The following HMCN2 variants were observed in gnomAD, a reference collection of about 807,000 sequenced individuals.
The protein encoded by HMCN2 is hemicentin-2.
A neutral mutation model predicts 377.5 loss-of-function variants in HMCN2; 325 were observed. The ratio of observed to expected loss-of-function variants is 0.86; its 90% CI spans 0.79 to 0.94. HMCN2 has a LOEUF of 0.94. HMCN2 is among the 40% of genes least tolerant of loss of function. HMCN2 has a pLI of 0.00. For synonymous variants in HMCN2, 2,007 were observed against 2,046.8 expected (o/e 0.98, Z 0.53); for missense variants, 4,543 against 4,725.3 (o/e 0.96, Z 1.13).
At chr9:130,363,239 G>A (rs985563800) in intron 40 of HMCN2, among the ~76,000 whole-genome samples, 3 of 152,216 alleles carry the variant, frequency 2.0e-5, no homozygotes, top group Admixed American at 1.3e-4. Flanking sequence ...TCAGGGAGAC[G>A]CGGAAGGGGT....
intron 8 of HMCN2, among the ~76,000 whole-genome samples, chr9:130,301,122 T>C (rs1836481804): frequency 6.6e-6 from 1 of 152,158 alleles, no homozygotes; most frequent in Non-Finnish European, 1.5e-5. Flanking sequence ...ACAGTGCCCA[T>C]GGTTGGTGGA....
intron 89 of HMCN2, 36 bp from the exon 90 acceptor site, chr9:130,425,651 A>ACCCCCCCCC: frequency 4.6e-6 from 2 of 432,322 alleles, no homozygotes; most frequent in South Asian, 5.4e-5. Flanking sequence ...CCTCTCCCCC[A>ACCCCCCCCC]CCCCTCCTCC....
At chr9:130,405,723 A>G (rs954942435) in intron 81 of HMCN2, among the ~76,000 whole-genome samples, 12 of 152,230 alleles carry the variant, frequency 7.9e-5, no homozygotes, top group Non-Finnish European at 1.8e-4. Flanking sequence ...AACACTGGCT[A>G]TTGCGATCAT....
chr9:130,266,801 C>T (rs1554919197), intron 1 of HMCN2, among the ~76,000 whole-genome samples: 2 of 152,226 alleles, frequency 1.3e-5, no homozygotes. Context: ...TGCACCTCTG[C>T]TTCCCCTTTA....
intron 22 of HMCN2, among the ~76,000 whole-genome samples, chr9:130,333,169 G>T (rs1588256806): frequency 6.6e-6 from 1 of 152,206 alleles, no homozygotes; most frequent in African/African-American, 2.4e-5. Context: ...CTGAACTGGG[G>T]CATGCCGGGG....
intron 15 of HMCN2, among the ~76,000 whole-genome samples, chr9:130,310,999 G>A (rs1353972370): frequency 6.6e-6 from 1 of 152,172 alleles, no homozygotes; most frequent in East Asian, 1.9e-4. Context: ...CTGCAGATGT[G>A]GAGTCCAAAT....
intron 34 of HMCN2, 54 bp from the exon 35 acceptor site, chr9:130,357,780 A>G (rs1463933234): frequency 1.6e-6 from 2 of 1,256,004 alleles, no homozygotes; most frequent in African/African-American, 1.5e-5. Context: ...CTGGGTGCCC[A>G]CTGTACTCCT....
At chr9:130,419,130 C>T in intron 86 of HMCN2, 89 bp downstream of exon 86, 1 of 1,276,854 alleles carries the variant, frequency 7.8e-7, no homozygotes, top group Non-Finnish European at 1.0e-6. Flanking sequence ...AGACCTGTCC[C>T]CTGCCTTGCC....
intron 48 of HMCN2, among the ~76,000 whole-genome samples, chr9:130,373,771 A>G (rs1257769659): frequency 6.9e-6 from 1 of 145,158 alleles, no homozygotes. Context: ...GTGGATGGAT[A>G]GATGGATAGG....
rs1031490747 is a variant in HMCN2 at position 130,308,926 on chromosome 9, C to T, written c.2201-986C>T. On this transcript the variant is annotated intron_variant, in intron 14 of 97. Transcript: ENST00000683500. The surrounding 1 kb of genome is among the most constrained non-coding windows in gnomAD (Gnocchi z 4.1). Reference sequence around the variant, plus strand: ...AGAGACGAAAAGATGGAGTGGTGTTCGCCAGGGACTGGGGAGAGGAGAACA... The same window carrying T: ...AGAGACGAAAAGATGGAGTGGTGTTTGCCAGGGACTGGGGAGAGGAGAACA... 5.9e-5 allele frequency among the ~76,000 whole-genome samples: 9 copies of T among 152,164 alleles called. No homozygotes were observed. In the East Asian group the frequency reaches 7.7e-4, roughly 13 times the overall value.
At chr9:130,355,534 T>C (rs555963902) in intron 32 of HMCN2, among the ~76,000 whole-genome samples, 92 of 152,284 alleles carry the variant, frequency 6.0e-4, no homozygotes, top group Admixed American at 1.0e-3. Context: ...AGGCAGATGT[T>C]AAATAATTAG....
chr9:130,387,223 T>G (rs1842072084), intron 61 of HMCN2, among the ~76,000 whole-genome samples: 1 of 152,196 alleles, frequency 6.6e-6, no homozygotes, highest in Non-Finnish European at 1.5e-5. Context: ...CTTGGCCAGA[T>G]TTTCTGGTGC....
Position 130,433,954 on chromosome 9 carries a change from T to C in HMCN2, c.*261T>C. The C allele has an allele frequency of 2.5e-6, 1 of 393,990 alleles. No individual in the cohort carries two copies. Among genetic ancestry groups the C allele is most frequent in the Non-Finnish European group, 4.5e-6 (1 of 223,728 alleles). 24.4% of individuals were successfully genotyped at this position (393,990 alleles called of 1,614,324 possible). A position where few individuals can be genotyped will look rare whatever the true frequency, so the allele number is the denominator to read the frequency against. ...GGCCCGGGGAAGCCCGGATCAGACC[T>C]CCAGGTCTGATCCGCCCCTCAGTGG... On this transcript the variant is annotated 3_prime_UTR_variant, in exon 98 of 98. Transcript: ENST00000683500.
In HMCN2 at chr9:130,285,335, G is replaced by A. The variant is rs1554927300; in HGVS notation, c.489+19G>A. On this transcript the variant is annotated intron_variant, in intron 3 of 97. Coordinates refer to ENST00000683500, the MANE Select transcript of HMCN2 (RefSeq NM_001291815.2). ...ATCACAGGTGGGTGAGCCGGCTGTG[G>A]GGGCCCAAAGTGGGGTCCCCCGGGG... 1 of 470,512 alleles carries A rather than the reference G, an allele frequency of 2.1e-6. No individual in the cohort carries two copies. The highest frequency in any genetic ancestry group is 1.5e-5 in the South Asian group (1 of 64,554). The allele number at this position is 470,512 out of a possible 1,614,324, so 29.1% of individuals were successfully genotyped here. A position where few individuals can be genotyped will look rare whatever the true frequency, so the allele number is the denominator to read the frequency against.
In HMCN2 at chr9:130,350,199, C is replaced by T. The variant is rs1272972692; in HGVS notation, c.4430+536C>T. Among the ~76,000 whole-genome samples the T allele has an allele frequency of 7.9e-5, 12 of 151,260 alleles. No individual in the cohort carries two copies. The East Asian group carries it at 9.9e-4, about 13-fold the overall frequency. ...TGCTGAGATTACAGGCATGAGCCAC[C>T]GTGCCCAGCCTCTTTTTTTAAACTC... On this transcript the variant is annotated intron_variant, in intron 29 of 97. Coordinates refer to ENST00000683500, the MANE Select transcript of HMCN2 (RefSeq NM_001291815.2).
chr9:130,393,441 C>A lies in HMCN2; in HGVS notation c.10234+132C>A. 2.0e-6 allele frequency: 1 copy of A among 507,682 alleles called. No homozygotes were observed. The highest frequency in any genetic ancestry group is 2.6e-6 in the Non-Finnish European group (1 of 381,306). The allele number at this position is 507,682 out of a possible 1,614,324, so 31.4% of individuals were successfully genotyped here. ...GCGTCGAGGAGAGCGGACACTGCGGCTCAGTCTCTGACTCACTGTATTGCT... is the reference window on the plus strand; with the variant it reads ...GCGTCGAGGAGAGCGGACACTGCGGATCAGTCTCTGACTCACTGTATTGCT... On this transcript the variant is annotated intron_variant, in intron 67 of 97. Transcript: ENST00000683500. The surrounding 1 kb of genome is among the most constrained non-coding windows in gnomAD (Gnocchi z 5.2).
intron 48 of HMCN2, among the ~76,000 whole-genome samples, chr9:130,373,708 G>GATGGATGGATGGATGGATGGATGGATGC (rs1841200210): frequency 1.6e-5 from 1 of 60,662 alleles, no homozygotes; most frequent in Non-Finnish European, 4.5e-5. Flanking sequence ...TGGATAGGTA[G>GATGGATGGATGGATGGATGGATGGATGC]ATGGATGGAT....
intron 86 of HMCN2, among the ~76,000 whole-genome samples, chr9:130,421,694 G>A (rs981082417): frequency 6.6e-6 from 1 of 152,198 alleles, no homozygotes; most frequent in Non-Finnish European, 1.5e-5. Context: ...GGGCCCCAGA[G>A]CATCGGATAC....
intron 79 of HMCN2, 113 bp from the exon 80 acceptor site, chr9:130,403,628 C>CT (rs879471442): frequency 6.0e-5 from 68 of 1,124,158 alleles, no homozygotes; most frequent in Non-Finnish European, 5.2e-5. Flanking sequence ...CTTGGTCATT[C>CT]TGTGACCCCA....
Sources: gnomAD v4.1 joint callset for allele counts (sites outside exome capture counted in the v4.1 genomes callset) on GRCh38, gnomAD v4.1.1 for gene constraint, Gnocchi (gnomAD v3.1) non-coding constraint, MANE v1.5 for transcripts, NCBI Gene and HGNC (gene_info 2026-07-23, HGNC 2026-07-21) for gene names.